The following PCDH10 variants were observed in gnomAD, a reference collection of about 807,000 sequenced individuals.
The protein encoded by PCDH10 is protocadherin 10, also known as protocadherin-10.
In PCDH10, 15 loss-of-function variants were observed where a neutral mutation model predicts 74.4. The ratio of observed to expected loss-of-function variants is 0.20; its 90% confidence interval spans 0.13 to 0.31. The LOEUF (loss-of-function observed/expected upper bound fraction) is 0.31, where lower values mean the gene tolerates loss of function less well. Among genes scored for constraint, PCDH10 ranks in the 10% least tolerant of loss-of-function variants. The pLI is 1.00. For missense variants in PCDH10, 1,260 were observed against 1,390.2 expected (o/e 0.91, Z 1.49); for synonymous variants, 619 against 589.8 (o/e 1.05, Z -0.72).
intron 4 of PCDH10, among the ~76,000 whole-genome samples, chr4:133,169,528 A>T (rs1441450647): frequency 2.0e-5 from 3 of 151,890 alleles, no homozygotes. Context: ...ATTTTATATT[A>T]CATATCGTTT....
chr4:133,182,526 T>C (rs1727438839), intron 4 of PCDH10, among the ~76,000 whole-genome samples: 2 of 152,126 alleles, frequency 1.3e-5, no homozygotes, highest in African/African-American at 4.8e-5. Context: ...ACTTCATTGA[T>C]AATGTAAACA....
intron 2 of PCDH10, among the ~76,000 whole-genome samples, chr4:133,201,034 C>T (rs1338591783): frequency 1.3e-5 from 2 of 152,104 alleles, no homozygotes; most frequent in East Asian, 1.9e-4. Flanking sequence ...GAAATGTAGG[C>T]ATTTTTATTC....
At position 133,150,209 on chromosome 4, in the gene PCDH10, G is replaced by C. The variant is rs146517460; in HGVS notation, c.69G>C (p.Thr23=). ...VEGVFSQLHY[T]VQEEQEHGTF... is the part of the protein sequence containing the mutation. ...GAGTCTTTTCCCAGCTTCACTACAC[G>C]GTACAGGAGGAGCAGGAACATGGCA... The change falls in exon 1 of 5, where the codon ACG becomes ACC. Residue 23 remains threonine (T), a synonymous_variant. Coordinates refer to ENST00000264360, the MANE Select transcript of PCDH10 (RefSeq NM_032961.3). 63 of 1,611,758 alleles carry C rather than the reference G, an allele frequency of 3.9e-5. No homozygotes were observed. In the African/African-American group the frequency reaches 7.6e-4, roughly 20 times the overall value.
At chr4:133,183,874 G>C (rs554480221) in intron 4 of PCDH10, among the ~76,000 whole-genome samples, 2 of 152,158 alleles carry the variant, frequency 1.3e-5, no homozygotes, top group East Asian at 1.9e-4. Context: ...TGCTCAACAT[G>C]CTTCTCTCTT....
chr4:133,180,031 T>A (rs1727379738), intron 4 of PCDH10, among the ~76,000 whole-genome samples: 1 of 152,076 alleles, frequency 6.6e-6, no homozygotes, highest in South Asian at 2.1e-4. Flanking sequence ...CACTCTATTT[T>A]ATCTTCTTTC....
In PCDH10 at chr4:133,175,168, T is replaced by C. The variant is rs539449890; in HGVS notation, c.3103+11886T>C. 2.6e-5 allele frequency among the ~76,000 whole-genome samples: 4 copies of C among 152,236 alleles called. No homozygotes were observed. In the East Asian group the frequency reaches 5.8e-4, roughly 22 times the overall value. The stretch of plus-strand genomic sequence containing the variant: ...TTTTGAAGTTAATTTTAAGTCTGTG[T>C]TCTTTTTTCTAATCTTTTAAGTTTC... On this transcript the variant is annotated intron_variant, in intron 4 of 4. Coordinates refer to ENST00000264360, the MANE Select transcript of PCDH10 (RefSeq NM_032961.3).
rs7693699 is a variant in PCDH10, at chr4:133,205,175, C to T, written n.438-2901C>T. Among the ~76,000 whole-genome samples the T allele has an allele frequency of 6.9e-3, 1,050 of 152,182 alleles. 15 individuals are homozygous for T. Among genetic ancestry groups the T allele is most frequent in the African/African-American group, 0.024 (989 of 41,520 alleles). ...GAACTTGAAGTTAGGCTTTTTGAGG[C>T]CTTCCTAGTGACGCCAACACATAAC... On this transcript the variant is annotated intron_variant and non_coding_transcript_variant, in intron 2 of 2. Transcript: ENST00000511112.
At chr4:133,190,100 C>T in intron 4 of PCDH10, 41 bp from the exon 5 acceptor site, 1 of 1,561,892 alleles carries the variant, frequency 6.4e-7, no homozygotes, top group Non-Finnish European at 8.8e-7. Flanking sequence ...CTCCAAAAGT[C>T]AACCTCTTTT....
At chr4:133,153,735 G>A (rs1726798067) in intron 1 of PCDH10, 1 of 150,466 alleles carries the variant, frequency 6.6e-6, no homozygotes, top group Admixed American at 6.6e-5. Flanking sequence ...GGGGTGGTGG[G>A]GGGCGGGCAG....
At chr4:133,201,986 A>G (rs1727917779) in intron 2 of PCDH10, among the ~76,000 whole-genome samples, 2 of 151,958 alleles carry the variant, frequency 1.3e-5, no homozygotes, top group South Asian at 4.1e-4. Flanking sequence ...TCTTGGTTAT[A>G]CAAGATATCA....
At chr4:133,153,132 G>T in intron 1 of PCDH10, 2 of 1,235,098 alleles carry the variant, frequency 1.6e-6, no homozygotes, top group East Asian at 3.8e-5. Context: ...TTCTAGCACT[G>T]GCAAAGGTCT....
downstream of PCDH10, among the ~76,000 whole-genome samples, chr4:133,197,552 C>G (rs1285895335): frequency 6.6e-6 from 1 of 152,126 alleles, no homozygotes; most frequent in East Asian, 1.9e-4. Context: ...TGTAACTTAA[C>G]TGACATTTCT....
In PCDH10 at chr4:133,152,683, C is replaced by A. The variant is rs756701340; in HGVS notation, c.2543C>A (p.Thr848Asn). 1 of 1,614,226 alleles carries A rather than the reference C, an allele frequency of 6.2e-7. No homozygotes were observed. Among genetic ancestry groups the A allele is most frequent in the South Asian group, 1.1e-5 (1 of 91,080 alleles). Residue 848 changes from threonine to asparagine, a missense_variant, in exon 1 of 5, where the codon ACT becomes AAT. This residue lies in a region of PCDH10 where 587 missense variants were observed against 616.9 expected (regional missense o/e 0.95). Coordinates refer to ENST00000264360, the MANE Select transcript of PCDH10 (RefSeq NM_032961.3). ...KPCSPSRSTD[T>N]EHNPCGAIVT... ...TGCAGCCCTTCGCGGAGTACGGACA[C>A]TGAGCACAACCCCTGCGGGGCCATC...
intron 4 of PCDH10, among the ~76,000 whole-genome samples, chr4:133,179,098 T>C (rs951098803): frequency 6.6e-6 from 1 of 152,122 alleles, no homozygotes; most frequent in African/African-American, 2.4e-5. Context: ...GTGCAGTGTT[T>C]TGTTACATTT....
downstream of PCDH10, among the ~76,000 whole-genome samples, chr4:133,196,839 C>T (rs1020999196): frequency 6.6e-6 from 1 of 152,204 alleles, no homozygotes; most frequent in Non-Finnish European, 1.5e-5. Flanking sequence ...TTTGCAATGG[C>T]AGTTTCACAA....
chr4:133,152,733 C>T lies in PCDH10; in HGVS notation c.2593C>T (p.Pro865Ser). 1 of 1,614,214 alleles carries T rather than the reference C, an allele frequency of 6.2e-7. No individual in the cohort carries two copies. The highest frequency in any genetic ancestry group is 8.5e-7 in the Non-Finnish European group (1 of 1,180,042). The stretch of plus-strand genomic sequence containing the variant: ...CGTCACCGGTTACACCGACCAGCAG[C>T]CTGATATCATCTCCAACGGAAGCAT... ...AIVTGYTDQQ[P>S]DIISNGSILS... The change falls in exon 1 of 5, where the codon CCT becomes TCT. Residue 865 changes from proline (P) to serine (S), a missense_variant. Pro to Ser is a moderately conservative substitution (Grantham distance 74). Transcript: ENST00000264360.
At chr4:133,189,551 T>C (rs986040968) in intron 4 of PCDH10, among the ~76,000 whole-genome samples, 6 of 152,160 alleles carry the variant, frequency 3.9e-5, no homozygotes, top group African/African-American at 1.4e-4. Flanking sequence ...AAATGGATTC[T>C]CATAGTAAGA....
chr4:133,176,214 AC>A (rs1353171946), intron 4 of PCDH10, among the ~76,000 whole-genome samples: 7 of 152,222 alleles, frequency 4.6e-5, no homozygotes, highest in Admixed American at 1.3e-4. Context: ...ACATGTTCTC[AC>A]ATCAGAGAAG....
At chr4:133,187,209 A>G (rs1417504513) in intron 4 of PCDH10, among the ~76,000 whole-genome samples, 2 of 152,140 alleles carry the variant, frequency 1.3e-5, no homozygotes, top group Non-Finnish European at 2.9e-5. Flanking sequence ...AAAGTCCCAC[A>G]AAGTTTCAAA....
Sources: allele counts gnomAD v4.1 joint callset (sites outside exome capture counted in the v4.1 genomes callset), GRCh38; gene constraint gnomAD v4.1.1; regional missense constraint gnomAD v4.1.1; transcripts MANE v1.5; gene names NCBI Gene and HGNC (gene_info 2026-07-23, HGNC 2026-07-21).